Variants in CHN2 observed in about 807,000 individuals in gnomAD.
CHN2 encodes beta-chimaerin.
CHN2 carries 35 observed loss-of-function variants against 56.3 expected under a neutral mutation model. The ratio of observed to expected loss-of-function variants is 0.62; its 90% CI spans 0.47 to 0.82. The LOEUF is 0.82. Ranked by LOEUF, CHN2 falls within the 40% of genes least tolerant of loss-of-function variation. CHN2 has a pLI of 0.00. For missense variants in CHN2, 491 were observed against 580.5 expected (o/e 0.85, Z 1.58); for synonymous variants, 210 against 212.8 (o/e 0.99, Z 0.12).
At chr7:29,189,854 A>G (rs1288217874), upstream of CHN2, among the ~76,000 whole-genome samples, 3 of 152,128 alleles carry the variant, frequency 2.0e-5, no homozygotes, top group African/African-American at 7.2e-5. Flanking sequence ...AGTGAGAAAG[A>G]CGATGCAGGA....
At chr7:29,270,476 G>A (rs1372783268) in intron 1 of CHN2, among the ~76,000 whole-genome samples, 1 of 132,142 alleles carries the variant, frequency 7.6e-6, no homozygotes, top group East Asian at 2.5e-4. Flanking sequence ...CCCACATGGT[G>A]AAACCCCATC....
chr7:29,489,203 T>C (rs867813185), intron 7 of CHN2, among the ~76,000 whole-genome samples: 6 of 152,218 alleles, frequency 3.9e-5, no homozygotes, highest in African/African-American at 1.4e-4. Flanking sequence ...GGGCCATTTG[T>C]CAAACATACC....
chr7:29,483,882 GCT>G (rs1787646897), intron 7 of CHN2: 3 of 1,302,962 alleles, frequency 2.3e-6, no homozygotes, highest in African/African-American at 1.5e-5. Flanking sequence ...AAAGAGCTCA[GCT>G]CTCTCTGCCT....
At chr7:29,267,782 G>A (rs567612846) in intron 1 of CHN2, among the ~76,000 whole-genome samples, 86 of 152,280 alleles carry the variant, frequency 5.6e-4, no homozygotes, top group Middle Eastern at 3.4e-3. Flanking sequence ...GAGTCCTCCC[G>A]ATGGACAAGG....
intron 1 of CHN2, among the ~76,000 whole-genome samples, chr7:29,213,945 A>G (rs1055399953): frequency 6.6e-6 from 1 of 152,162 alleles, no homozygotes; most frequent in Non-Finnish European, 1.5e-5. Flanking sequence ...ACAAGCAATA[A>G]TTGCGCTTTT....
At chr7:29,272,539 C>A (rs1170556609) in intron 1 of CHN2, among the ~76,000 whole-genome samples, 1 of 147,500 alleles carries the variant, frequency 6.8e-6, no homozygotes, top group African/African-American at 2.6e-5. Context: ...ATCTGAAGCC[C>A]TATGCTTGTC....
At chr7:29,187,948 C>G (rs12700940) in intron 2 of CHN2, among the ~76,000 whole-genome samples, 17,800 of 152,134 alleles carry the variant, frequency 0.12, 1,181 homozygotes, top group African/African-American at 0.17. Flanking sequence ...GGTTATTTGT[C>G]CAAGATCACC....
chr7:29,252,593 T>TTG lies in CHN2; in HGVS notation c.49+57604_49+57605insGT, dbSNP rs1562866589. Among the ~76,000 whole-genome samples the TTG allele has an allele frequency of 2.8e-4, 12 of 43,038 alleles. 3 individuals are homozygous for TTG. The highest frequency in any genetic ancestry group is 1.6e-3 in the African/African-American group (10 of 6,330). 28.2% of individuals were successfully genotyped at this position (43,038 alleles called of 152,430 possible). On this transcript the variant is annotated intron_variant, in intron 1 of 12. Coordinates refer to ENST00000222792, the MANE Select transcript of CHN2 (RefSeq NM_004067.4). ...TGCATTCTTTGTTTTTTTTTTTTTTTTTTTTTTTTTTTTGAGACGGAGTCT... is the reference window on the plus strand; with the variant it reads ...TGCATTCTTTGTTTTTTTTTTTTTTTTGTTTTTTTTTTTTTGAGACGGAGTCT...
intron 6 of CHN2, among the ~76,000 whole-genome samples, chr7:29,440,415 G>A (rs1333063409): frequency 1.3e-5 from 2 of 152,106 alleles, no homozygotes; most frequent in Admixed American, 1.3e-4. Context: ...CAGAGGCTGG[G>A]CGTGGTAGCT....
chr7:29,285,845 T>G (rs1052402420), intron 1 of CHN2, among the ~76,000 whole-genome samples: 4 of 152,170 alleles, frequency 2.6e-5, no homozygotes, highest in African/African-American at 9.6e-5. Context: ...TCGGAGTTAT[T>G]GACAGAATTT....
intron 8 of CHN2, among the ~76,000 whole-genome samples, chr7:29,496,243 GA>G (rs70980542): frequency 3.1e-4 from 41 of 132,272 alleles, no homozygotes; most frequent in Middle Eastern, 3.9e-3. Context: ...TGCAAGAAAA[GA>G]AAAAAAAAAA....
At chr7:29,246,628 G>A (rs1424972254) in intron 1 of CHN2, among the ~76,000 whole-genome samples, 1 of 152,126 alleles carries the variant, frequency 6.6e-6, no homozygotes, top group East Asian at 1.9e-4. Flanking sequence ...TTAAGTACGT[G>A]TCTTAGTCCA....
chr7:29,295,248 G>C (rs1206478240), intron 1 of CHN2, among the ~76,000 whole-genome samples: 1 of 150,642 alleles, frequency 6.6e-6, no homozygotes, highest in Admixed American at 6.6e-5. Context: ...ATTTGTGGTT[G>C]GTTGAATCCA....
At chr7:29,503,683 C>T (rs368176237) in intron 9 of CHN2, among the ~76,000 whole-genome samples, 6 of 152,146 alleles carry the variant, frequency 3.9e-5, no homozygotes, top group African/African-American at 1.4e-4. Context: ...CTGATGCATA[C>T]CTAATGAAGA....
chr7:29,432,166 G>A (rs1438162192), intron 6 of CHN2, among the ~76,000 whole-genome samples: 1 of 152,084 alleles, frequency 6.6e-6, no homozygotes, highest in Non-Finnish European at 1.5e-5. Flanking sequence ...TTGTGAACCG[G>A]TTTTCCCTGG....
At chr7:29,264,125 C>T (rs1489812345) in intron 1 of CHN2, among the ~76,000 whole-genome samples, 1 of 146,734 alleles carries the variant, frequency 6.8e-6, no homozygotes, top group African/African-American at 2.4e-5. Flanking sequence ...GTGAGGAGCC[C>T]CTCTGCCCGG....
intron 6 of CHN2, among the ~76,000 whole-genome samples, chr7:29,466,075 C>A (rs1785522264): frequency 6.6e-6 from 1 of 152,052 alleles, no homozygotes; most frequent in South Asian, 2.1e-4. Flanking sequence ...GTTGGGGGTG[C>A]ACCTGTATCC....
intron 1 of CHN2, among the ~76,000 whole-genome samples, chr7:29,350,818 C>T (rs771979811): frequency 1.3e-5 from 2 of 152,100 alleles, no homozygotes; most frequent in African/African-American, 2.4e-5. Flanking sequence ...TCATTTAATT[C>T]CCACAATGCG....
intron 6 of CHN2, among the ~76,000 whole-genome samples, chr7:29,413,426 A>G (rs1017454611): frequency 6.6e-6 from 1 of 152,262 alleles, no homozygotes; most frequent in Non-Finnish European, 1.5e-5. Flanking sequence ...CACAGTACAT[A>G]TAAATTCCAT....
Sources: gnomAD v4.1 joint callset for allele counts (sites outside exome capture counted in the v4.1 genomes callset) on GRCh38, gnomAD v4.1.1 for gene constraint, MANE v1.5 for transcripts, NCBI Gene and HGNC (gene_info 2026-07-23, HGNC 2026-07-21) for gene names.